Variants in GYS2 observed in about 807,000 individuals in gnomAD.
The protein encoded by GYS2 is glycogen synthase 2.
Under a neutral mutation model 85.6 loss-of-function variants are expected in GYS2, and 80 were observed. The ratio of observed to expected loss-of-function variants is 0.93; its 90% CI spans 0.78 to 1.13. The LOEUF (loss-of-function observed/expected upper bound fraction) is 1.13, where lower values mean the gene tolerates loss of function less well. GYS2 is among the 50% of genes most tolerant of loss of function. GYS2 has a pLI of 0.00. For synonymous variants in GYS2, 328 were observed against 300.7 expected (o/e 1.09, Z -0.94); for missense variants, 881 against 854.9 (o/e 1.03, Z -0.38).
intron 1 of GYS2, among the ~76,000 whole-genome samples, chr12:21,601,020 C>T (rs985007979): frequency 6.6e-6 from 1 of 152,084 alleles, no homozygotes; most frequent in Non-Finnish European, 1.5e-5. Context: ...TCGCTCAAGT[C>T]TTTACAATTC....
intron 11 of GYS2, among the ~76,000 whole-genome samples, chr12:21,555,644 A>G (rs1244427985): frequency 6.6e-6 from 1 of 152,168 alleles, no homozygotes; most frequent in East Asian, 1.9e-4. Context: ...CATCCAGACA[A>G]TGAGATGCCA....
chr12:21,579,514 C>A (rs1944484617), intron 2 of GYS2, among the ~76,000 whole-genome samples: 1 of 151,970 alleles, frequency 6.6e-6, no homozygotes, highest in African/African-American at 2.4e-5. Context: ...CCTGCAAAAC[C>A]ACACCTGGCT....
intron 1 of GYS2, among the ~76,000 whole-genome samples, chr12:21,589,187 T>C (rs947786950): frequency 2.1e-4 from 32 of 152,228 alleles, no homozygotes; most frequent in African/African-American, 7.7e-4. Context: ...TATTTCAAAT[T>C]CATATACACT....
intron 5 of GYS2, among the ~76,000 whole-genome samples, chr12:21,568,250 T>C (rs1364294972): frequency 1.3e-5 from 2 of 152,156 alleles, no homozygotes; most frequent in Admixed American, 6.5e-5. Context: ...TTTCATTGTA[T>C]GACAGTGCAT....
At position 21,557,091 on chromosome 12, in the gene GYS2, G is replaced by T. The variant is rs1033725655; in HGVS notation, c.1422+1109C>A. On this transcript the variant is annotated intron_variant, in intron 11 of 15. Coordinates refer to ENST00000261195, the MANE Select transcript of GYS2 (RefSeq NM_021957.4). The stretch of plus-strand genomic sequence containing the variant: ...CAAAATCTACATTTGGGGCCAGCAT[G>T]GGGGGGACACTGAAGGAGTTCATAA... Among the ~76,000 whole-genome samples the T allele has an allele frequency of 5.9e-5, 9 of 152,082 alleles. No homozygotes were observed. The South Asian group carries it at 6.2e-4, about 10-fold the overall frequency.
In GYS2 at chr12:21,562,994, G is replaced by A. The variant is rs758630266; in HGVS notation, c.986C>T (p.Ala329Val). 8.7e-6 allele frequency: 14 copies of A among 1,612,896 alleles called. No individual in the cohort carries two copies. The highest frequency in any genetic ancestry group is 1.2e-5 in the Non-Finnish European group (14 of 1,179,110). The change falls in exon 7 of 16, where the codon GCT becomes GTT. Residue 329 changes from alanine to valine, a missense_variant. Coordinates refer to ENST00000261195, the MANE Select transcript of GYS2 (RefSeq NM_021957.4). ...TTTGTTTGAAAACTCATACCTCCCA[G>A]CAATGAAAAGGAACAAAGTCTTTTC... ...DLEKTLFLFI[A>V]GRYEFSNKGA...
chr12:21,584,078 C>T (rs189239402), intron 1 of GYS2, among the ~76,000 whole-genome samples: 18 of 152,298 alleles, frequency 1.2e-4, no homozygotes, highest in African/African-American at 4.1e-4. Context: ...AGTGGACAGC[C>T]GCAGCACTAC....
At chr12:21,599,814 C>G (rs935350029) in intron 1 of GYS2, among the ~76,000 whole-genome samples, 1 of 152,152 alleles carries the variant, frequency 6.6e-6, no homozygotes, top group Non-Finnish European at 1.5e-5. Flanking sequence ...TATGACAATA[C>G]ATGAGCTAAC....
Position 21,565,229 on chromosome 12 carries a change from C to T in GYS2, c.824-1884G>A, listed in dbSNP as rs1322806117. Among the ~76,000 whole-genome samples, 3 of 150,834 alleles carry T rather than the reference C, an allele frequency of 2.0e-5. No individual in the cohort carries two copies. The South Asian group carries it at 6.3e-4, about 32-fold the overall frequency. ...TGGTAAAATTTAACAAAGAGTACTC[C>T]AGGAAAAAGAGAGAAAAAGAGAGAG... On this transcript the variant is annotated intron_variant, in intron 5 of 15. Coordinates refer to ENST00000261195, the MANE Select transcript of GYS2 (RefSeq NM_021957.4).
At chr12:21,551,206 T>C (rs1258728050) in intron 11 of GYS2, among the ~76,000 whole-genome samples, 12 of 128,372 alleles carry the variant, frequency 9.3e-5, no homozygotes, top group Non-Finnish European at 1.9e-4. Context: ...TTCCCCTTCC[T>C]GTGTCCATAT....
rs148843569 is a variant in GYS2 at position 21,584,620 on chromosome 12, C to A, written c.122-4097G>T. Among the ~76,000 whole-genome samples, 285 of 152,346 alleles carry A rather than the reference C, an allele frequency of 1.9e-3. 1 individual carries two copies. Among genetic ancestry groups the A allele is most frequent in the African/African-American group, 6.7e-3 (280 of 41,578 alleles). On this transcript the variant is annotated intron_variant, in intron 1 of 15. Coordinates refer to ENST00000261195, the MANE Select transcript of GYS2 (RefSeq NM_021957.4). ...GCCAGCATCAGAGACCAACACTAAG[C>A]CCTTGATATGGCACCATTCCTCGGG...
Position 21,539,232 on chromosome 12 carries a change from CA to C in GYS2, c.1890+25del, listed in dbSNP as rs36023861. The C allele has an allele frequency of 0.75, 951,204 of 1,272,276 alleles. 359,043 individuals carry two copies. Among genetic ancestry groups the C allele is most frequent in the East Asian group, 0.81 (34,966 of 43,180 alleles). 78.8% of individuals were successfully genotyped at this position (1,272,276 alleles called of 1,614,324 possible). A position where few individuals can be genotyped will look rare whatever the true frequency, so the allele number is the denominator to read the frequency against. On this transcript the variant is annotated intron_variant, in intron 15 of 15. Transcript: ENST00000261195. ...AACTTATAAAAAGAAATATAGCTTT[CA>C]AAAAAAAATACATTGAATATTTACC...
At chr12:21,603,206 C>A (rs578163316) in intron 1 of GYS2, among the ~76,000 whole-genome samples, 11 of 152,214 alleles carry the variant, frequency 7.2e-5, no homozygotes, top group African/African-American at 2.6e-4. Context: ...AACAGGTACA[C>A]ATAAAATACT....
intron 7 of GYS2, among the ~76,000 whole-genome samples, chr12:21,561,175 T>C (rs1217825480): frequency 1.3e-5 from 2 of 152,186 alleles, no homozygotes; most frequent in African/African-American, 2.4e-5. Flanking sequence ...ATTTTATTAA[T>C]GTCAAAAGAA....
chr12:21,565,393 ATATAT>A (rs1944306281), intron 5 of GYS2, among the ~76,000 whole-genome samples: 1 of 10,326 alleles, frequency 9.7e-5, no homozygotes, highest in South Asian at 5.1e-3. Flanking sequence ...TCCATGAAAT[ATATAT>A]ATATATATAT....
At chr12:21,593,397 A>C (rs1160090393) in intron 1 of GYS2, among the ~76,000 whole-genome samples, 1 of 151,194 alleles carries the variant, frequency 6.6e-6, no homozygotes, top group Non-Finnish European at 1.5e-5. Context: ...AAGAGAAGAG[A>C]CTGAAATAAA....
At chr12:21,590,693 C>A (rs1301040104) in intron 1 of GYS2, among the ~76,000 whole-genome samples, 1 of 152,162 alleles carries the variant, frequency 6.6e-6, no homozygotes, top group Non-Finnish European at 1.5e-5. Context: ...CAACTAGACT[C>A]ATTACCATCA....
At chr12:21,562,884 A>C (rs906637145) in intron 7 of GYS2, 34 bp downstream of exon 7, 8 of 1,610,698 alleles carry the variant, frequency 5.0e-6, no homozygotes, top group Admixed American at 1.7e-5. Context: ...TTCTCCCTAC[A>C]AGAGTGTTAT....
At chr12:21,562,643 GGGGAGAAT>G (rs72575038) in intron 7 of GYS2, among the ~76,000 whole-genome samples, 105,584 of 145,614 alleles carry the variant, frequency 0.73, 38,567 homozygotes, top group South Asian at 0.79. Flanking sequence ...AAACATAGAA[GGGGAGAAT>G]GGGATAAGCT....
Sources: gnomAD v4.1 joint callset for allele counts (sites outside exome capture counted in the v4.1 genomes callset) on GRCh38, gnomAD v4.1.1 for gene constraint, MANE v1.5 for transcripts, NCBI Gene and HGNC (gene_info 2026-07-23, HGNC 2026-07-21) for gene names.